Variants in MME observed in about 807,000 individuals in gnomAD.
The protein encoded by MME is membrane metalloendopeptidase.
A neutral mutation model predicts 113.2 loss-of-function variants in MME; 98 were observed. The observed-to-expected ratio is 0.87, with a 90% CI of 0.74 to 1.02. MME has a LOEUF of 1.02. Among genes scored for constraint, MME ranks in the 50% least tolerant of loss-of-function variants. The probability of loss-of-function intolerance (pLI) is 0.00; values close to 1 mark genes in which losing one functional copy is unlikely to be tolerated. For missense variants in MME, 836 were observed against 896.0 expected, an observed-to-expected ratio of 0.93 and a Z score of 0.86; for synonymous variants, 292 against 300.6, an observed-to-expected ratio of 0.97 and a Z score of 0.30.
intron 3 of MME, among the ~76,000 whole-genome samples, chr3:155,086,726 C>T (rs1192422624): frequency 6.6e-6 from 1 of 152,152 alleles, no homozygotes; most frequent in Non-Finnish European, 1.5e-5. Context: ...AACCTCCTTT[C>T]TAACATCTAT....
intron 1 of MME, among the ~76,000 whole-genome samples, chr3:155,057,089 G>A (rs181368900): frequency 1.3e-4 from 20 of 152,270 alleles, no homozygotes; most frequent in Admixed American, 1.1e-3. Flanking sequence ...AGCCAAAACT[G>A]ACAAATGGAC....
chr3:155,089,359 T>C (rs1200990016), intron 3 of MME, among the ~76,000 whole-genome samples: 1 of 152,250 alleles, frequency 6.6e-6, no homozygotes, highest in Non-Finnish European at 1.5e-5. Flanking sequence ...TCAAGGAATC[T>C]TGTGCTTTAA....
intron 1 of MME, among the ~76,000 whole-genome samples, chr3:155,065,603 C>G (rs1197301495): frequency 6.6e-6 from 1 of 152,172 alleles, no homozygotes; most frequent in East Asian, 1.9e-4. Context: ...GTCTCTTTAT[C>G]TGCTAGTACA....
chr3:155,125,568 T>C (rs1719581069), intron 8 of MME, among the ~76,000 whole-genome samples: 1 of 146,002 alleles, frequency 6.8e-6, no homozygotes, highest in Non-Finnish European at 1.5e-5. Context: ...CAAGCAATTC[T>C]CCCAGCCTCG....
intron 1 of MME, among the ~76,000 whole-genome samples, chr3:155,060,870 A>G (rs1334053249): frequency 6.6e-6 from 1 of 151,808 alleles, no homozygotes; most frequent in Non-Finnish European, 1.5e-5. Flanking sequence ...TGAGAGAGAG[A>G]GAGCACTTTT....
At chr3:155,047,732 G>T (rs1285598067) in intron 1 of MME, among the ~76,000 whole-genome samples, 3 of 152,064 alleles carry the variant, frequency 2.0e-5, no homozygotes, top group African/African-American at 7.2e-5. Flanking sequence ...TTGGTTCTCT[G>T]TATGTAGGAT....
intron 22 of MME, among the ~76,000 whole-genome samples, chr3:155,175,391 T>C: frequency 6.6e-6 from 1 of 152,004 alleles, no homozygotes; most frequent in Non-Finnish European, 1.5e-5. Flanking sequence ...TGGTATTTAA[T>C]CCAAAAACAT....
At chr3:155,115,951 C>G (rs7431115) in intron 4 of MME, among the ~76,000 whole-genome samples, 9,817 of 152,184 alleles carry the variant, frequency 0.065, 392 homozygotes, top group East Asian at 0.17. Flanking sequence ...CTGTTCTCCC[C>G]TCTTCTAGAA....
At chr3:155,077,545 C>T (rs568459465), upstream of MME, among the ~76,000 whole-genome samples, 10 of 152,092 alleles carry the variant, frequency 6.6e-5, no homozygotes, top group South Asian at 2.1e-3. Flanking sequence ...AACAAACAAA[C>T]AAACAACAAC....
At chr3:155,167,521 G>T (rs1723193701) in intron 18 of MME, among the ~76,000 whole-genome samples, 1 of 151,890 alleles carries the variant, frequency 6.6e-6, no homozygotes, top group Non-Finnish European at 1.5e-5. Flanking sequence ...ACCCTAAATG[G>T]AAAAATCAAT....
chr3:155,087,129 AC>A (rs1250575484), intron 3 of MME, among the ~76,000 whole-genome samples: 1 of 151,230 alleles, frequency 6.6e-6, no homozygotes, highest in African/African-American at 2.4e-5. Context: ...GAGCCACTGC[AC>A]CCAGTCTTGG....
chr3:155,093,427 G>C (rs372432639), intron 3 of MME, among the ~76,000 whole-genome samples: 5 of 152,134 alleles, frequency 3.3e-5, no homozygotes, highest in Non-Finnish European at 5.9e-5. Context: ...ATGTGTCCAG[G>C]TGTACCAGCC....
rs188850975 is a variant in MME at position 155,158,201 on chromosome 3, A to G, written c.1602-2189A>G. Among the ~76,000 whole-genome samples the G allele has an allele frequency of 2.0e-4, 30 of 152,200 alleles. No homozygotes were observed. In the East Asian group the frequency reaches 5.4e-3, roughly 27 times the overall value. ...TATTTCAATATTAGGATTTTTGACT[A>G]GTCCAGAGCCAAAAAATATGCAACT... On this transcript the variant is annotated intron_variant, in intron 16 of 22. Coordinates refer to ENST00000360490, the MANE Select transcript of MME (RefSeq NM_007289.4).
intron 3 of MME, among the ~76,000 whole-genome samples, chr3:155,108,596 C>G (rs1007119977): frequency 3.5e-5 from 3 of 86,716 alleles, no homozygotes; most frequent in African/African-American, 1.3e-4. Flanking sequence ...GACTTCATCT[C>G]AAAAAAAAAA....
intron 3 of MME, among the ~76,000 whole-genome samples, chr3:155,106,863 G>A (rs1436631): frequency 0.098 from 14,972 of 152,200 alleles, 1,750 homozygotes; most frequent in African/African-American, 0.29. Context: ...TTGCTCCTGG[G>A]TTCCCCAACA....
intron 1 of MME, among the ~76,000 whole-genome samples, chr3:155,054,753 G>A (rs1042208690): frequency 4.6e-5 from 7 of 152,156 alleles, no homozygotes; most frequent in African/African-American, 1.2e-4. Context: ...GGAGGCGGAG[G>A]TTGCAGTGAG....
intron 22 of MME, among the ~76,000 whole-genome samples, chr3:155,174,417 T>A (rs1417982170): frequency 6.6e-6 from 1 of 150,804 alleles, no homozygotes. Flanking sequence ...ATGCCAACCT[T>A]TTGTCAAGGA....
intron 8 of MME, among the ~76,000 whole-genome samples, chr3:155,121,885 G>T (rs1462196090): frequency 3.6e-5 from 2 of 55,814 alleles, no homozygotes; most frequent in Admixed American, 2.3e-4. Flanking sequence ...TCTCTTTTTT[G>T]GTTGTGTCTC....
At chr3:155,037,393 T>A (rs1450922792) in intron 1 of MME, among the ~76,000 whole-genome samples, 2 of 152,142 alleles carry the variant, frequency 1.3e-5, no homozygotes, top group African/African-American at 4.8e-5. Flanking sequence ...TACAAAGAAA[T>A]TGAGTAATTT....
Sources: gnomAD v4.1 joint callset for allele counts (sites outside exome capture counted in the v4.1 genomes callset) on GRCh38, gnomAD v4.1.1 for gene constraint, MANE v1.5 for transcripts, NCBI Gene and HGNC (gene_info 2026-07-23, HGNC 2026-07-21) for gene names.